Variants in ZMYND8 observed in about 807,000 individuals in gnomAD.
ZMYND8 encodes the protein zinc finger MYND-type containing 8.
ZMYND8 carries 37 observed loss-of-function variants against 140.8 expected under a neutral mutation model. The ratio of observed to expected loss-of-function variants is 0.26; its 90% CI spans 0.20 to 0.35. ZMYND8 has a LOEUF of 0.35. Ranked by LOEUF, ZMYND8 falls within the 10% of genes least tolerant of loss-of-function variation. The pLI is 1.00. For missense variants in ZMYND8, 1,068 were observed against 1,570.0 expected (o/e 0.68, Z 5.40); for synonymous variants, 592 against 597.1 (o/e 0.99, Z 0.12).
At chr20:47,256,581 C>A (rs2074747860) in intron 12 of ZMYND8, among the ~76,000 whole-genome samples, 1 of 152,174 alleles carries the variant, frequency 6.6e-6, no homozygotes, top group Non-Finnish European at 1.5e-5. Context: ...GATCGCGCCA[C>A]TGCACTCCAG....
At chr20:47,250,549 C>G (rs1262025475) in intron 12 of ZMYND8, among the ~76,000 whole-genome samples, 1 of 152,224 alleles carries the variant, frequency 6.6e-6, no homozygotes, top group Admixed American at 6.5e-5. Flanking sequence ...CTTCGTGCTT[C>G]ATCTCCCTGC....
At chr20:47,220,215 C>G (rs1600913345) in intron 21 of ZMYND8, 43 bp downstream of exon 21, 17 of 1,514,836 alleles carry the variant, frequency 1.1e-5, no homozygotes, top group Non-Finnish European at 1.5e-5. Context: ...ATCTGCCCAT[C>G]TGAAATGTGA....
At chr20:47,253,486 G>A (rs1379697576) in intron 12 of ZMYND8, among the ~76,000 whole-genome samples, 4 of 145,584 alleles carry the variant, frequency 2.7e-5, no homozygotes, top group South Asian at 2.2e-4. Flanking sequence ...GCAGTGAGCC[G>A]AGATCACACC....
intron 13 of ZMYND8, among the ~76,000 whole-genome samples, chr20:47,246,890 A>G (rs2040623062): frequency 6.6e-6 from 1 of 152,212 alleles, no homozygotes; most frequent in Non-Finnish European, 1.5e-5. Context: ...CAATTTACAG[A>G]TTAGAAAACA....
chr20:47,228,361 A>T (rs2037998501), intron 17 of ZMYND8, among the ~76,000 whole-genome samples: 1 of 152,198 alleles, frequency 6.6e-6, no homozygotes, highest in South Asian at 2.1e-4. Context: ...TAGTGTGAAC[A>T]ATCACATTTC....
chr20:47,235,798 C>G (rs1170801006), intron 16 of ZMYND8, among the ~76,000 whole-genome samples: 1 of 152,108 alleles, frequency 6.6e-6, no homozygotes, highest in Non-Finnish European at 1.5e-5. Flanking sequence ...AACAGGCAAT[C>G]CTGCCCACCA....
At chr20:47,316,542 C>T (rs2148297406) in intron 2 of ZMYND8, among the ~76,000 whole-genome samples, 1 of 152,118 alleles carries the variant, frequency 6.6e-6, no homozygotes, top group South Asian at 2.1e-4. Context: ...CCCATAATCC[C>T]AGCACTTTGG....
intron 3 of ZMYND8, among the ~76,000 whole-genome samples, chr20:47,305,674 G>A (rs1031939709): frequency 1.3e-5 from 2 of 152,066 alleles, no homozygotes; most frequent in African/African-American, 2.4e-5. Context: ...CAGACACCCT[G>A]TCCTCAGAGA....
rs191726081 is a variant in ZMYND8, at chr20:47,276,880, C to T, written c.999-85G>A. The T allele has an allele frequency of 6.4e-6, 8 of 1,256,262 alleles. No homozygotes were observed. In the East Asian group the frequency reaches 2.1e-4, roughly 33 times the overall value. 77.8% of individuals were successfully genotyped at this position (1,256,262 alleles called of 1,614,324 possible). ...TTTTCTTGATGTGAACCAAATTAGC[C>T]AAGCATGTTTGCCAAGATTCTTATT... On this transcript the variant is annotated intron_variant, in intron 10 of 22. Coordinates refer to ENST00000471951, the MANE Select transcript of ZMYND8 (RefSeq NM_001281775.3).
At chr20:47,221,577 G>A in intron 19 of ZMYND8, 103 bp from the exon 20 acceptor site, 4 of 1,393,976 alleles carry the variant, frequency 2.9e-6, no homozygotes, top group Non-Finnish European at 3.8e-6. Context: ...CCAAGGCTCA[G>A]CCCTACCCAG....
At chr20:47,295,324 C>T (rs1311682115) in intron 4 of ZMYND8, among the ~76,000 whole-genome samples, 2 of 152,148 alleles carry the variant, frequency 1.3e-5, no homozygotes, top group Non-Finnish European at 2.9e-5. Flanking sequence ...GCCTGGGAGG[C>T]GGAGGCTGCA....
chr20:47,223,679 AG>A (rs1263470471), intron 19 of ZMYND8, among the ~76,000 whole-genome samples: 1 of 151,666 alleles, frequency 6.6e-6, no homozygotes, highest in Admixed American at 6.6e-5. Flanking sequence ...ACTAAAAATT[AG>A]CCGGGCATAG....
At chr20:47,316,956 T>C (rs1465962542) in intron 2 of ZMYND8, among the ~76,000 whole-genome samples, 1 of 152,034 alleles carries the variant, frequency 6.6e-6, no homozygotes, top group Non-Finnish European at 1.5e-5. Flanking sequence ...GCAGTGAGGC[T>C]CCGAGGGCCA....
At position 47,249,269 on chromosome 20, in the gene ZMYND8, A is replaced by C. The variant is rs764178819; in HGVS notation, c.1774+18T>G. 8 of 1,603,206 alleles carry C rather than the reference A, an allele frequency of 5.0e-6. No individual in the cohort carries two copies. The East Asian group carries it at 1.8e-4, about 36-fold the overall frequency. On this transcript the variant is annotated intron_variant, in intron 13 of 22. Coordinates refer to ENST00000471951, the MANE Select transcript of ZMYND8 (RefSeq NM_001281775.3). ...ACAATGATACTGCTGGAAAAAAAAAACAAAACCAAAGGTATACCTAATTGT... is the reference window on the plus strand; with the variant it reads ...ACAATGATACTGCTGGAAAAAAAAACCAAAACCAAAGGTATACCTAATTGT...
chr20:47,352,024 T>C (rs1010772633), intron 1 of ZMYND8: 24 of 983,406 alleles, frequency 2.4e-5, no homozygotes, highest in Admixed American at 1.2e-4. Flanking sequence ...GCCTTCAACA[T>C]GAGGCTCTGT....
intron 5 of ZMYND8, among the ~76,000 whole-genome samples, chr20:47,294,429 T>G (rs951417490): frequency 1.3e-5 from 2 of 152,010 alleles, no homozygotes; most frequent in Non-Finnish European, 2.9e-5. Flanking sequence ...ATCTTTACAA[T>G]AGTGTGAAAA....
intron 9 of ZMYND8, 109 bp from the exon 10 acceptor site, chr20:47,282,326 TG>T: frequency 1.1e-6 from 1 of 893,866 alleles, no homozygotes; most frequent in Non-Finnish European, 1.7e-6. Context: ...AGGCCATGAG[TG>T]GAAAAAGAGT....
chr20:47,230,682 A>G (rs2038352052), intron 16 of ZMYND8, among the ~76,000 whole-genome samples: 2 of 152,174 alleles, frequency 1.3e-5, no homozygotes, highest in African/African-American at 4.8e-5. Context: ...CGCTTTATTG[A>G]GGTATATGCA....
chr20:47,309,996 A>C, intron 3 of ZMYND8, 60 bp downstream of exon 3: 1 of 1,606,032 alleles, frequency 6.2e-7, no homozygotes, highest in South Asian at 1.1e-5. Context: ...CCAGAGGTTC[A>C]GCGCTACTAG....
Sources: allele counts gnomAD v4.1 joint callset (sites outside exome capture counted in the v4.1 genomes callset), GRCh38; gene constraint gnomAD v4.1.1; transcripts MANE v1.5; gene names NCBI Gene and HGNC (gene_info 2026-07-23, HGNC 2026-07-21).